Variants in KANSL2 observed in about 807,000 individuals in gnomAD.
KANSL2 encodes the protein NSL complex protein NSL2.
Under a neutral mutation model 55.6 loss-of-function variants are expected in KANSL2, and 34 were observed. The observed-to-expected ratio is 0.61, with a 90% CI of 0.46 to 0.81. The LOEUF is 0.81. KANSL2 is among the 40% of genes least tolerant of loss of function. KANSL2 has a pLI of 0.00. For missense variants in KANSL2, 502 were observed against 609.9 expected, an observed-to-expected ratio of 0.82 and a Z score of 1.86; for synonymous variants, 209 against 214.3, an observed-to-expected ratio of 0.98 and a Z score of 0.22.
At chr12:48,681,056 G>C (rs965255260) in intron 2 of KANSL2, among the ~76,000 whole-genome samples, 1 of 149,964 alleles carries the variant, frequency 6.7e-6, no homozygotes, top group African/African-American at 2.5e-5. Context: ...CGAGATGGGA[G>C]GATACCTTGA....
At chr12:48,672,128 C>CA (rs60638037) in intron 4 of KANSL2, among the ~76,000 whole-genome samples, 166 bp from the exon 5 acceptor site, 1 of 151,804 alleles carries the variant, frequency 6.6e-6, no homozygotes, top group Non-Finnish European at 1.5e-5. Flanking sequence ...TTAAATAAAA[C>CA]AAAAGAGAAA....
intron 5 of KANSL2, 105 bp downstream of exon 5, chr12:48,671,694 T>A: frequency 8.2e-7 from 1 of 1,222,940 alleles, no homozygotes. Context: ...ATGACAAAAA[T>A]CACCTAACAA....
intron 7 of KANSL2, among the ~76,000 whole-genome samples, chr12:48,664,669 C>T (rs529057093): frequency 6.6e-6 from 1 of 150,644 alleles, no homozygotes; most frequent in African/African-American, 2.5e-5. Context: ...GCAACCTCCA[C>T]CTCCCAGGTT....
At chr12:48,672,380 TA>T (rs1462774720) in intron 4 of KANSL2, among the ~76,000 whole-genome samples, 4 of 144,476 alleles carry the variant, frequency 2.8e-5, no homozygotes, top group Admixed American at 2.1e-4. Context: ...TATATACGTA[TA>T]TATATATACA....
Position 48,667,773 on chromosome 12 carries a change from G to GA in KANSL2, c.892dup (p.Ser298PhefsTer11). The GA allele has an allele frequency of 6.2e-7, 1 of 1,613,536 alleles. No homozygotes were observed. The highest frequency in any genetic ancestry group is 8.5e-7 in the Non-Finnish European group (1 of 1,179,524). On this transcript the variant is annotated frameshift_variant, in exon 7 of 10. Coordinates refer to ENST00000420613, the MANE Select transcript of KANSL2 (RefSeq NM_017822.4). LOFTEE classifies it high-confidence loss of function. ...CACAAAGGCCAAGCACCTCTGACTGGAACGAGTGGTATGGGCCTGAAATGG... is the reference window on the plus strand; with the variant it reads ...CACAAAGGCCAAGCACCTCTGACTGGAAACGAGTGGTATGGGCCTGAAATGG...
intron 2 of KANSL2, among the ~76,000 whole-genome samples, chr12:48,680,235 G>GT (rs1283873570): frequency 6.6e-6 from 1 of 152,132 alleles, no homozygotes; most frequent in African/African-American, 2.4e-5. Context: ...ATTTTTTTTA[G>GT]TTTTTTGTAG....
intron 7 of KANSL2, among the ~76,000 whole-genome samples, chr12:48,663,604 A>G (rs1939529024): frequency 6.6e-6 from 1 of 152,184 alleles, no homozygotes; most frequent in East Asian, 1.9e-4. Flanking sequence ...CCTCTATGAT[A>G]ATCCACTTCC....
intron 8 of KANSL2, among the ~76,000 whole-genome samples, chr12:48,658,958 T>C (rs1347393690): frequency 6.6e-6 from 1 of 152,224 alleles, no homozygotes; most frequent in East Asian, 1.9e-4. Flanking sequence ...TATTAATATC[T>C]GATGCCTAGT....
rs34879709 is a variant in KANSL2 at position 48,663,913 on chromosome 12, C to CTTTT, written c.974-3298_974-3295dup. Among the ~76,000 whole-genome samples the CTTTT allele has an allele frequency of 8.4e-4, 94 of 112,558 alleles. 2 individuals are homozygous for CTTTT. Among genetic ancestry groups the CTTTT allele is most frequent in the African/African-American group, 2.2e-3 (71 of 31,810 alleles). 73.8% of individuals were successfully genotyped at this position (112,558 alleles called of 152,430 possible). ...AAGATACACACTTTTAACTATTAGC[C>CTTTT]TTTTTTTTTTTTTTTTTTTTTTGAG... On this transcript the variant is annotated intron_variant, in intron 7 of 9. Transcript: ENST00000420613.
At chr12:48,662,275 T>G (rs952471723) in intron 7 of KANSL2, among the ~76,000 whole-genome samples, 1 of 152,176 alleles carries the variant, frequency 6.6e-6, no homozygotes, top group African/African-American at 2.4e-5. Context: ...CGGCTGATTT[T>G]TATACTTCTA....
chr12:48,669,468 T>C (rs904542769), intron 5 of KANSL2, among the ~76,000 whole-genome samples, 196 bp from the exon 6 acceptor site: 1 of 152,082 alleles, frequency 6.6e-6, no homozygotes, highest in African/African-American at 2.4e-5. Context: ...AATCAATCAT[T>C]GACCATACAT....
chr12:48,672,437 T>TC lies in KANSL2; in HGVS notation c.546-476_546-475insG, dbSNP rs1565608449. Reference sequence around the variant, plus strand: ...TATATATATATATATATATATATTTTTTTTTTGAGATAAGGTCTCACTCTT... The same window carrying TC: ...TATATATATATATATATATATATTTTCTTTTTTGAGATAAGGTCTCACTCTT... On this transcript the variant is annotated intron_variant, in intron 4 of 9. Transcript: ENST00000420613. Among the ~76,000 whole-genome samples, 75 of 134,762 alleles carry TC rather than the reference T, an allele frequency of 5.6e-4. 1 individual carries two copies. The highest frequency in any genetic ancestry group is 5.4e-3 in the South Asian group (23 of 4,254). The allele number at this position is 134,762 out of a possible 152,430, so 88.4% of individuals were successfully genotyped here.
At chr12:48,661,922 C>G (rs1275446774) in intron 7 of KANSL2, among the ~76,000 whole-genome samples, 1 of 152,150 alleles carries the variant, frequency 6.6e-6, no homozygotes, top group Non-Finnish European at 1.5e-5. Context: ...TTGAAAACCA[C>G]TACTCTAAAG....
At chr12:48,670,325 TA>T (rs1014366222) in intron 5 of KANSL2, among the ~76,000 whole-genome samples, 54 of 147,784 alleles carry the variant, frequency 3.7e-4, no homozygotes, top group Non-Finnish European at 5.0e-4. Flanking sequence ...CTCTATTTAT[TA>T]AAAAAAAAAA....
intron 4 of KANSL2, among the ~76,000 whole-genome samples, chr12:48,678,639 C>T (rs1385949423): frequency 2.6e-5 from 4 of 152,124 alleles, no homozygotes; most frequent in Non-Finnish European, 4.4e-5. Flanking sequence ...CCCATAAACA[C>T]GACATTTTGC....
At chr12:48,658,512 T>C (rs1939431450) in intron 8 of KANSL2, 1 of 152,112 alleles carries the variant, frequency 6.6e-6, no homozygotes. Context: ...CTCAGCACTT[T>C]GGGGAAGCTG....
chr12:48,656,742 C>T, intron 8 of KANSL2: 1 of 518,744 alleles, frequency 1.9e-6, no homozygotes, highest in African/African-American at 1.9e-5. Context: ...CTGTTTGAAA[C>T]CAACAGCTAC....
intron 8 of KANSL2, among the ~76,000 whole-genome samples, chr12:48,656,245 C>T (rs1939377952): frequency 6.6e-6 from 1 of 150,810 alleles, no homozygotes; most frequent in Non-Finnish European, 1.5e-5. Flanking sequence ...GTCCCTATCC[C>T]GACAGAGCAA....
intron 2 of KANSL2, 144 bp downstream of exon 2, chr12:48,681,238 G>GT: frequency 1.2e-6 from 1 of 867,466 alleles, no homozygotes; most frequent in Non-Finnish European, 1.7e-6. Context: ...AGTCTTCACC[G>GT]TTTTTTCAGT....
Sources: gnomAD v4.1 joint callset for allele counts (sites outside exome capture counted in the v4.1 genomes callset) on GRCh38, gnomAD v4.1.1 for gene constraint, MANE v1.5 for transcripts, NCBI Gene and HGNC (gene_info 2026-07-23, HGNC 2026-07-21) for gene names.